ZDHHC18: variants seen among roughly 807,000 people sequenced by gnomAD.
ZDHHC18 encodes zDHHC palmitoyltransferase 18.
A neutral mutation model predicts 37.5 loss-of-function variants in ZDHHC18; 23 were observed. The ratio of observed to expected loss-of-function variants is 0.61; its 90% CI spans 0.44 to 0.87. ZDHHC18 has a LOEUF of 0.87. Among genes scored for constraint, ZDHHC18 ranks in the 40% least tolerant of loss-of-function variants. The probability of loss-of-function intolerance (pLI) is 0.00; values close to 1 mark genes in which losing one functional copy is unlikely to be tolerated. For missense variants in ZDHHC18, 406 were observed against 525.6 expected (o/e 0.77, Z 2.22); for synonymous variants, 185 against 218.7 (o/e 0.85, Z 1.36).
chr1:26,826,952 A>AGCAGCG lies in ZDHHC18; in HGVS notation c.168_173dup (p.Gly60_Ser61dup), dbSNP rs878922433. 4.3e-4 allele frequency: 509 copies of AGCAGCG among 1,191,594 alleles called. No homozygotes were observed. The highest frequency in any genetic ancestry group is 1.8e-3 in the African/African-American group (112 of 62,390). The allele number at this position is 1,191,594 out of a possible 1,614,324, so 73.8% of individuals were successfully genotyped here. On this transcript the variant is annotated inframe_insertion, in exon 1 of 8. Transcript: ENST00000374142. The surrounding 1 kb of genome is among the most constrained non-coding windows in gnomAD (Gnocchi z 5.2). ...CGCCCCCGCCCCGCCGCGCTGGAGC[A>AGCAGCG]GCAGCGGCAGCGGCAGCGGCAGCGG...
Position 26,851,186 on chromosome 1 carries a change from G to C in ZDHHC18, c.891G>C (p.Gly297=). 1 of 1,614,192 alleles carries C rather than the reference G, an allele frequency of 6.2e-7. No homozygotes were observed. Among genetic ancestry groups the C allele is most frequent in the Non-Finnish European group, 8.5e-7 (1 of 1,180,030 alleles). The change falls in exon 6 of 8, where the codon GGG becomes GGC. Residue 297 remains glycine (G), a synonymous_variant. Transcript: ENST00000374142. ...TCTGGTCCATTCTGGGCCTCTCAGG[G>C]TTTCACACGTACCTCGTCGCCTCCA... ...FSIWSILGLS[G]FHTYLVASNL...
At chr1:26,831,723 C>G (rs1241299844) in intron 1 of ZDHHC18, among the ~76,000 whole-genome samples, 2 of 152,202 alleles carry the variant, frequency 1.3e-5, no homozygotes, top group Non-Finnish European at 2.9e-5. Flanking sequence ...TCTGAGGCAG[C>G]CAGGGTCAGG....
chr1:26,827,262 T>C, intron 1 of ZDHHC18, 123 bp downstream of exon 1: 1 of 836,182 alleles, frequency 1.2e-6, no homozygotes, highest in South Asian at 4.1e-5. Context: ...CCCGCCCCTT[T>C]GGGATCCTCC....
intron 2 of ZDHHC18, among the ~76,000 whole-genome samples, chr1:26,844,729 T>A (rs2081655036): frequency 6.6e-6 from 1 of 152,230 alleles, no homozygotes; most frequent in Admixed American, 6.5e-5. Context: ...CTAGTGCATG[T>A]GTCATAGTAG....
intron 1 of ZDHHC18, among the ~76,000 whole-genome samples, chr1:26,830,770 T>TTTGTTG (rs67399497): frequency 2.7e-5 from 4 of 150,440 alleles, no homozygotes; most frequent in Non-Finnish European, 5.9e-5. Flanking sequence ...TTTATGTTTG[T>TTTGTTG]TTGTTGTTGT....
Position 26,853,821 on chromosome 1 carries a change from G to A in ZDHHC18, c.1145G>A (p.Ser382Asn). The change falls in exon 8 of 8, where the codon AGC (serine) becomes AAC (asparagine). Residue 382 changes from serine to asparagine, a missense_variant. Transcript: ENST00000374142. ...GCCTGCAGAGCCAAGCCTGATGCCA[G>A]CATGGTAGGAGGCCACCCCTGACCA... ...EPACRAKPDA[S>N]MVGGHP 1 of 1,613,876 alleles carries A rather than the reference G, an allele frequency of 6.2e-7. No individual in the cohort carries two copies.
intron 2 of ZDHHC18, among the ~76,000 whole-genome samples, chr1:26,833,717 C>G (rs368501721): frequency 1.3e-5 from 2 of 152,198 alleles, no homozygotes; most frequent in Non-Finnish European, 2.9e-5. Context: ...ACTTGCACAC[C>G]TCGGGGGTTT....
chr1:26,850,675 T>A lies in ZDHHC18; in HGVS notation c.833+69T>A. The A allele has an allele frequency of 6.4e-7, 1 of 1,551,004 alleles. No individual in the cohort carries two copies. Among genetic ancestry groups the A allele is most frequent in the Middle Eastern group, 1.9e-4 (1 of 5,326 alleles). ...CCCTTCACTGGGTGGGTGCCCTGCC[T>A]CATCCTCTAATCAGAAGGGAACAGC... is the stretch of plus-strand genomic sequence containing the variant. On this transcript the variant is annotated intron_variant, in intron 5 of 7. Coordinates refer to ENST00000374142, the MANE Select transcript of ZDHHC18 (RefSeq NM_032283.3). The surrounding 1 kb of genome is among the most constrained non-coding windows in gnomAD (Gnocchi z 6.1).
intron 2 of ZDHHC18, among the ~76,000 whole-genome samples, chr1:26,838,339 C>T (rs776699209): frequency 6.6e-6 from 1 of 151,644 alleles, no homozygotes; most frequent in Non-Finnish European, 1.5e-5. Context: ...CAGGGTCTTG[C>T]TGTGTTGCCC....
chr1:26,846,273 T>TA (rs1491236883), intron 2 of ZDHHC18, among the ~76,000 whole-genome samples: 2 of 67,426 alleles, frequency 3.0e-5, no homozygotes, highest in East Asian at 8.2e-4. Context: ...TAGAGATATA[T>TA]GTGTGTGTGT....
At chr1:26,843,722 G>A (rs185094501) in intron 2 of ZDHHC18, among the ~76,000 whole-genome samples, 224 of 151,734 alleles carry the variant, frequency 1.5e-3, no homozygotes, top group African/African-American at 5.3e-3. Context: ...CCTGGGAGGC[G>A]GAGGTTGCAG....
rs1296502217 is a variant in ZDHHC18 at position 26,850,043 on chromosome 1, CT to C, written c.647-255del. On this transcript the variant is annotated intron_variant, in intron 3 of 7. Coordinates refer to ENST00000374142, the MANE Select transcript of ZDHHC18 (RefSeq NM_032283.3). This position sits in a 1 kb window ranked among gnomAD's most constrained non-coding sequence, Gnocchi z 6.1. ...TCCCCTAGTCTGGGATTGGAAGAGACTTTCTTAAGGAGGTGGCTTTGCAGCT... is the reference window on the plus strand; with the variant it reads ...TCCCCTAGTCTGGGATTGGAAGAGACTTCTTAAGGAGGTGGCTTTGCAGCT... Among the ~76,000 whole-genome samples, 2 of 152,224 alleles carry C rather than the reference CT, an allele frequency of 1.3e-5. No homozygotes were observed. The highest frequency in any genetic ancestry group is 2.9e-5 in the Non-Finnish European group (2 of 68,042).
chr1:26,849,465 C>T (rs987163080), intron 3 of ZDHHC18, among the ~76,000 whole-genome samples: 2 of 152,236 alleles, frequency 1.3e-5, no homozygotes, highest in African/African-American at 4.8e-5. Flanking sequence ...AGCAAGAGAA[C>T]AGCAGGGAAC....
In ZDHHC18 at chr1:26,854,134, G is replaced by A; in HGVS notation, c.*291G>A. 1 of 372,158 alleles carries A rather than the reference G, an allele frequency of 2.7e-6. No individual in the cohort carries two copies. The highest frequency in any genetic ancestry group is 5.0e-6 in the Non-Finnish European group (1 of 198,834). 23.1% of individuals were successfully genotyped at this position (372,158 alleles called of 1,614,324 possible). A position where few individuals can be genotyped will look rare whatever the true frequency, so the allele number is the denominator to read the frequency against. ...CCACACCAAGTCCTTGCCTGTGCCG[G>A]GCGAGCCCTGTGTGAGTGAGGCTGT... On this transcript the variant is annotated 3_prime_UTR_variant, in exon 8 of 8. Transcript: ENST00000374142. This position sits in a 1 kb window ranked among gnomAD's most constrained non-coding sequence, Gnocchi z 4.6.
Position 26,848,742 on chromosome 1 carries a change from T to A in ZDHHC18, c.631T>A (p.Cys211Ser), listed in dbSNP as rs1188128449. 6.2e-7 allele frequency: 1 copy of A among 1,612,508 alleles called. No homozygotes were observed. The highest frequency in any genetic ancestry group is 8.5e-7 in the Non-Finnish European group (1 of 1,178,708). The part of the protein sequence containing the change: ...RPPRTSHCSV[C>S]DNCVERFDHH... ...ACCCCGAACCTCACACTGCAGTGTC[T>A]GCGACAACTGTGTGGGTGAGTAGGA... The change falls in exon 3 of 8, where the codon TGC (cysteine) becomes AGC (serine). Residue 211 changes from cysteine to serine, a missense_variant. Transcript: ENST00000374142.
chr1:26,838,439 G>A (rs1331202275), intron 2 of ZDHHC18, among the ~76,000 whole-genome samples: 4 of 152,224 alleles, frequency 2.6e-5, no homozygotes, highest in East Asian at 1.9e-4. Context: ...CACTGCACTC[G>A]GCCTGTTGCT....
At chr1:26,851,091 C>G in intron 5 of ZDHHC18, 38 bp from the exon 6 acceptor site, 1 of 1,573,674 alleles carries the variant, frequency 6.4e-7, no homozygotes. Context: ...TGGGAGGCTC[C>G]CCACCCTCCA....
intron 2 of ZDHHC18, among the ~76,000 whole-genome samples, chr1:26,847,641 G>A (rs1281584180): frequency 1.3e-5 from 2 of 151,734 alleles, no homozygotes; most frequent in Non-Finnish European, 2.9e-5. Flanking sequence ...CTCTTAAATC[G>A]CTTTTAATTT....
chr1:26,832,407 C>G, intron 1 of ZDHHC18, 40 bp from the exon 2 acceptor site: 1 of 1,611,562 alleles, frequency 6.2e-7, no homozygotes, highest in African/African-American at 1.3e-5. Context: ...GCAGGGAGCC[C>G]TTGGGGTGTC....
Sources: allele counts gnomAD v4.1 joint callset (sites outside exome capture counted in the v4.1 genomes callset), GRCh38; gene constraint gnomAD v4.1.1; non-coding constraint Gnocchi (gnomAD v3.1); transcripts MANE v1.5; gene names NCBI Gene and HGNC (gene_info 2026-07-23, HGNC 2026-07-21).